The following KCNH7 variants were observed in gnomAD, a reference collection of about 807,000 sequenced individuals.
KCNH7 encodes the protein voltage-gated inwardly rectifying potassium channel KCNH7.
Under a neutral mutation model 120.8 loss-of-function variants are expected in KCNH7, and 49 were observed. That is an observed-to-expected ratio of 0.41 (90% confidence interval 0.32 to 0.51). The LOEUF (loss-of-function observed/expected upper bound fraction) is 0.51, where lower values mean the gene tolerates loss of function less well. Among genes scored for constraint, KCNH7 ranks in the 20% least tolerant of loss-of-function variants. The probability of loss-of-function intolerance (pLI) is 0.38; values close to 1 mark genes in which losing one functional copy is unlikely to be tolerated. For missense variants in KCNH7, 1,097 were observed against 1,446.6 expected, an observed-to-expected ratio of 0.76 and a Z score of 3.92; for synonymous variants, 547 against 516.1, an observed-to-expected ratio of 1.06 and a Z score of -0.81.
chr2:162,399,159 A>C (rs1687000472), intron 10 of KCNH7, among the ~76,000 whole-genome samples: 1 of 151,694 alleles, frequency 6.6e-6, no homozygotes, highest in African/African-American at 2.4e-5. Flanking sequence ...GAAAAATGCA[A>C]ATTTTTACAG....
rs772302627 is a variant in KCNH7, at chr2:162,441,247, T to C, written c.1554+4771A>G. Among the ~76,000 whole-genome samples the C allele has an allele frequency of 9.2e-5, 14 of 152,174 alleles. 1 individual carries two copies. Among genetic ancestry groups the C allele is most frequent in the Non-Finnish European group, 1.9e-4 (13 of 68,016 alleles). ...TCCTAAAAGTTGAACATGATTATAT[T>C]GGATGTTTTAGAAATAAACTAATGA... is the stretch of plus-strand genomic sequence containing the variant. On this transcript the variant is annotated intron_variant, in intron 7 of 15. Coordinates refer to ENST00000332142, the MANE Select transcript of KCNH7 (RefSeq NM_033272.4).
At chr2:162,492,088 C>G (rs1383842748) in intron 6 of KCNH7, among the ~76,000 whole-genome samples, 7 of 152,210 alleles carry the variant, frequency 4.6e-5, no homozygotes, top group African/African-American at 1.2e-4. Context: ...TCTTACCAGT[C>G]AGACTTCTGG....
At chr2:162,561,357 A>C (rs2105879507) in intron 2 of KCNH7, among the ~76,000 whole-genome samples, 1 of 152,276 alleles carries the variant, frequency 6.6e-6, no homozygotes, top group East Asian at 1.9e-4. Context: ...TTTTTAAGTG[A>C]AAATGTAAAC....
At chr2:162,496,930 A>G (rs1405669992) in intron 6 of KCNH7, 1 of 152,178 alleles carries the variant, frequency 6.6e-6, no homozygotes, top group African/African-American at 2.4e-5. Context: ...GATATTTTGT[A>G]CTAATATCTA....
At chr2:162,500,791 G>A (rs372123890) in intron 6 of KCNH7, among the ~76,000 whole-genome samples, 37 of 152,168 alleles carry the variant, frequency 2.4e-4, no homozygotes, top group African/African-American at 8.7e-4. Flanking sequence ...CAAACATGTT[G>A]AAAATTTCCT....
chr2:162,534,596 A>G (rs1311341588), intron 3 of KCNH7, among the ~76,000 whole-genome samples: 2 of 151,744 alleles, frequency 1.3e-5, no homozygotes, highest in Non-Finnish European at 3.0e-5. Flanking sequence ...AAGAAAAATA[A>G]ATTTGTCAAG....
At chr2:162,779,704 G>A (rs1683403222) in intron 2 of KCNH7, among the ~76,000 whole-genome samples, 1 of 152,062 alleles carries the variant, frequency 6.6e-6, no homozygotes, top group South Asian at 2.1e-4. Flanking sequence ...AAACTGTCTT[G>A]GGTTGATAAC....
At chr2:162,823,319 A>G (rs1277272080) in intron 2 of KCNH7, among the ~76,000 whole-genome samples, 1 of 152,256 alleles carries the variant, frequency 6.6e-6, no homozygotes, top group Admixed American at 6.5e-5. Context: ...AAAATGTTCA[A>G]ACCACACTCT....
At chr2:162,460,380 T>G (rs1335627694) in intron 6 of KCNH7, among the ~76,000 whole-genome samples, 3 of 152,074 alleles carry the variant, frequency 2.0e-5, no homozygotes, top group Non-Finnish European at 4.4e-5. Context: ...TTTAAAAAAA[T>G]ATTGAGGATG....
chr2:162,733,899 T>G (rs1687814170), intron 2 of KCNH7, among the ~76,000 whole-genome samples: 1 of 152,170 alleles, frequency 6.6e-6, no homozygotes, highest in East Asian at 1.9e-4. Flanking sequence ...TAAATTAATA[T>G]TAACTGAAGT....
chr2:162,771,749 G>A (rs956877413), intron 2 of KCNH7, among the ~76,000 whole-genome samples: 4 of 151,868 alleles, frequency 2.6e-5, no homozygotes, highest in African/African-American at 9.7e-5. Flanking sequence ...CCTTTTATCT[G>A]ATCTCGTATT....
intron 2 of KCNH7, among the ~76,000 whole-genome samples, chr2:162,606,665 A>G (rs947964494): frequency 6.6e-6 from 1 of 152,194 alleles, no homozygotes; most frequent in African/African-American, 2.4e-5. Flanking sequence ...TTTTCTGCCT[A>G]CCAGGATGAG....
intron 2 of KCNH7, among the ~76,000 whole-genome samples, chr2:162,729,162 A>AT (rs1412794660): frequency 0.23 from 27,411 of 119,760 alleles, 3,865 homozygotes; most frequent in East Asian, 0.32. Context: ...ATATACCCAA[A>AT]TTTTTTTTTT....
At chr2:162,432,995 C>A (rs768049012) in intron 8 of KCNH7, among the ~76,000 whole-genome samples, 2 of 151,710 alleles carry the variant, frequency 1.3e-5, no homozygotes, top group African/African-American at 2.4e-5. Flanking sequence ...TTTCATGAAC[C>A]AATAATGTTC....
intron 2 of KCNH7, among the ~76,000 whole-genome samples, chr2:162,652,469 A>C (rs2105261728): frequency 6.6e-6 from 1 of 152,150 alleles, no homozygotes; most frequent in African/African-American, 2.4e-5. Flanking sequence ...TTCAGGATGA[A>C]ACTGTTCCAC....
At chr2:162,433,442 T>C (rs532966470) in intron 8 of KCNH7, among the ~76,000 whole-genome samples, 1 of 152,002 alleles carries the variant, frequency 6.6e-6, no homozygotes, top group African/African-American at 2.4e-5. Context: ...CATAGGCCAA[T>C]AGAATAGAAT....
chr2:162,769,979 G>T (rs1252326162), intron 2 of KCNH7, among the ~76,000 whole-genome samples: 1 of 151,980 alleles, frequency 6.6e-6, no homozygotes, highest in African/African-American at 2.4e-5. Flanking sequence ...GCAAAGTGAT[G>T]CTCTTGATTT....
chr2:162,439,825 A>T (rs1225191202), intron 7 of KCNH7, among the ~76,000 whole-genome samples: 1 of 151,638 alleles, frequency 6.6e-6, no homozygotes, highest in African/African-American at 2.4e-5. Context: ...ACTAAGCACT[A>T]TTTAAAAAAT....
At position 162,485,665 on chromosome 2, in the gene KCNH7, T is replaced by C. The variant is rs1690071609; in HGVS notation, c.1128+18778A>G. Among the ~76,000 whole-genome samples the C allele has an allele frequency of 3.3e-5, 5 of 152,284 alleles. No homozygotes were observed. In the South Asian group the frequency reaches 1.0e-3, roughly 32 times the overall value. On this transcript the variant is annotated intron_variant, in intron 6 of 15. Transcript: ENST00000332142. ...GAAAAAGAGAGGGAGAGAGAATGTA[T>C]GAGAACTAATACAGCAATCAATTTT...
Sources: allele counts gnomAD v4.1 joint callset (sites outside exome capture counted in the v4.1 genomes callset), GRCh38; gene constraint gnomAD v4.1.1; transcripts MANE v1.5; gene names NCBI Gene and HGNC (gene_info 2026-07-23, HGNC 2026-07-21).